The following PALLD variants were observed in gnomAD, a reference collection of about 807,000 sequenced individuals.
The protein encoded by PALLD is palladin.
Under a neutral mutation model 123.5 loss-of-function variants are expected in PALLD, and 61 were observed. The observed-to-expected ratio is 0.49, with a 90% CI of 0.40 to 0.61. The LOEUF is 0.61. Ranked by LOEUF, PALLD falls within the 20% of genes least tolerant of loss-of-function variation. The pLI, the probability that PALLD is intolerant of heterozygous loss-of-function variation, is 0.00. For synonymous variants in PALLD, 465 were observed against 496.4 expected, an observed-to-expected ratio of 0.94 and a Z score of 0.84; for missense variants, 1,273 against 1,377.0, an observed-to-expected ratio of 0.92 and a Z score of 1.20.
intron 10 of PALLD, among the ~76,000 whole-genome samples, chr4:168,802,121 G>A (rs1448131929): frequency 6.6e-6 from 1 of 152,244 alleles, no homozygotes; most frequent in Admixed American, 6.5e-5. Context: ...GTTACTTCTC[G>A]GGAATGCTCC....
At chr4:168,545,852 G>C (rs1464849978) in intron 2 of PALLD, among the ~76,000 whole-genome samples, 1 of 152,150 alleles carries the variant, frequency 6.6e-6, no homozygotes, top group Non-Finnish European at 1.5e-5. Context: ...GTTCTATCAT[G>C]TACAATTATG....
Position 168,811,676 on chromosome 4 carries a change from C to T in PALLD, c.1965-79246C>T, listed in dbSNP as rs377333148. On this transcript the variant is annotated intron_variant, in intron 10 of 21. Transcript: ENST00000505667. Reference sequence around the variant, plus strand: ...ACTTGAGCTCAGCAAGTAGAGGTTGCAGTGAGCCATAATCGCAATCATACC... The same window carrying T: ...ACTTGAGCTCAGCAAGTAGAGGTTGTAGTGAGCCATAATCGCAATCATACC... 5.9e-5 allele frequency among the ~76,000 whole-genome samples: 9 copies of T among 152,174 alleles called. No homozygotes were observed. In the East Asian group the frequency reaches 1.5e-3, roughly 26 times the overall value.
chr4:168,658,500 T>C (rs1027220437), intron 2 of PALLD, among the ~76,000 whole-genome samples: 3 of 152,130 alleles, frequency 2.0e-5, no homozygotes, highest in Non-Finnish European at 4.4e-5. Flanking sequence ...TTGCCCAGAC[T>C]GGTCTCTAAC....
chr4:168,788,479 G>A (rs926707511), intron 10 of PALLD, among the ~76,000 whole-genome samples: 1 of 152,222 alleles, frequency 6.6e-6, no homozygotes, highest in Non-Finnish European at 1.5e-5. Context: ...GGGAGCAGGA[G>A]ATGAATAGGG....
intron 2 of PALLD, among the ~76,000 whole-genome samples, chr4:168,585,138 G>C (rs1357051877): frequency 6.6e-6 from 1 of 152,176 alleles, no homozygotes; most frequent in Non-Finnish European, 1.5e-5. Flanking sequence ...AAAGATGTAG[G>C]AACACAGGAC....
At chr4:168,920,029 G>C (rs1761119977) in intron 17 of PALLD, among the ~76,000 whole-genome samples, 2 of 152,206 alleles carry the variant, frequency 1.3e-5, no homozygotes, top group East Asian at 1.9e-4. Context: ...TCAGTCAGTA[G>C]ATGGCTTATC....
intron 10 of PALLD, 23 bp downstream of exon 10, chr4:168,711,946 A>G (rs778982152): frequency 1.3e-6 from 2 of 1,588,744 alleles, no homozygotes; most frequent in Non-Finnish European, 1.7e-6. Context: ...GCATGGTTTT[A>G]TAATAATTTC....
At chr4:168,672,742 G>T (rs1341193413) in intron 3 of PALLD, among the ~76,000 whole-genome samples, 1 of 152,216 alleles carries the variant, frequency 6.6e-6, no homozygotes, top group East Asian at 1.9e-4. Flanking sequence ...ACAGGCGTGA[G>T]CCACCTCGCC....
At chr4:168,856,447 A>T (rs1748619792) in intron 10 of PALLD, among the ~76,000 whole-genome samples, 1 of 152,170 alleles carries the variant, frequency 6.6e-6, no homozygotes. Flanking sequence ...ACAGTGGCCT[A>T]ATTTACATTC....
intron 2 of PALLD, among the ~76,000 whole-genome samples, chr4:168,515,969 A>G (rs770202382): frequency 2.0e-5 from 3 of 152,236 alleles, no homozygotes; most frequent in African/African-American, 7.2e-5. Context: ...CAGAAACAAC[A>G]GGGTAAAACC....
At chr4:168,520,204 T>C (rs1763399789) in intron 2 of PALLD, among the ~76,000 whole-genome samples, 1 of 151,734 alleles carries the variant, frequency 6.6e-6, no homozygotes, top group Admixed American at 6.6e-5. Context: ...CGGGTGCCTG[T>C]AGTCCCAGCT....
Position 168,549,244 on chromosome 4 carries a change from T to C in PALLD, c.908+36832T>C, listed in dbSNP as rs188853813. 4.8e-5 allele frequency among the ~76,000 whole-genome samples: 7 copies of C among 144,812 alleles called. No homozygotes were observed. In the East Asian group the frequency reaches 1.2e-3, roughly 26 times the overall value. ...CATTGAAATAATTAAAATTGTCAAT[T>C]GATTGCAATGTCACACTTCTCAAAA... On this transcript the variant is annotated intron_variant, in intron 2 of 21. Transcript: ENST00000505667.
chr4:168,770,412 A>G (rs970005382), intron 10 of PALLD, among the ~76,000 whole-genome samples: 5 of 152,150 alleles, frequency 3.3e-5, no homozygotes, highest in African/African-American at 9.7e-5. Context: ...ACCCGTGGGT[A>G]GCTCTCCAGT....
At chr4:168,804,422 T>G (rs1383386305) in intron 10 of PALLD, among the ~76,000 whole-genome samples, 1 of 151,578 alleles carries the variant, frequency 6.6e-6, no homozygotes, top group Non-Finnish European at 1.5e-5. Context: ...TCAAGCCTAT[T>G]ATTGTTCAAT....
chr4:168,901,029 T>C (rs1343938122), intron 14 of PALLD, among the ~76,000 whole-genome samples: 1 of 152,200 alleles, frequency 6.6e-6, no homozygotes, highest in Non-Finnish European at 1.5e-5. Flanking sequence ...ACTTTTTTCC[T>C]AATATAAATT....
chr4:168,541,443 TTTTATTTATTTATTTATTTATTTATTTA>T (rs60488300), intron 2 of PALLD, among the ~76,000 whole-genome samples: 7 of 147,772 alleles, frequency 4.7e-5, no homozygotes, highest in East Asian at 2.0e-4. Flanking sequence ...CTCTCACTCA[TTTTATTTATTTATTTATTTATTTATTTA>T]TTTATTTATT....
intron 10 of PALLD, among the ~76,000 whole-genome samples, chr4:168,807,652 G>A (rs930974146): frequency 1.0e-4 from 15 of 149,236 alleles, no homozygotes; most frequent in African/African-American, 3.5e-4. Flanking sequence ...CAGGTGATCC[G>A]CCCACCTTGG....
intron 10 of PALLD, among the ~76,000 whole-genome samples, chr4:168,738,517 G>C (rs150355521): frequency 0.023 from 3,480 of 150,972 alleles, 122 homozygotes; most frequent in African/African-American, 0.072. Context: ...TGCAACCTCC[G>C]TCTCCCAGGT....
At chr4:168,781,700 G>T (rs1384319993) in intron 10 of PALLD, among the ~76,000 whole-genome samples, 1 of 152,114 alleles carries the variant, frequency 6.6e-6, no homozygotes, top group Non-Finnish European at 1.5e-5. Context: ...AGTAGGGCTG[G>T]TTACAAGGTA....
Sources: allele counts gnomAD v4.1 joint callset (sites outside exome capture counted in the v4.1 genomes callset), GRCh38; gene constraint gnomAD v4.1.1; transcripts MANE v1.5; gene names NCBI Gene and HGNC (gene_info 2026-07-23, HGNC 2026-07-21).